Variants in SMYD3 observed in about 807,000 individuals in gnomAD.
SMYD3 encodes histone-lysine N-methyltransferase SMYD3.
In SMYD3, 36 loss-of-function variants were observed where a neutral mutation model predicts 57.7. The observed-to-expected ratio is 0.62, with a 90% CI of 0.48 to 0.82. The LOEUF (loss-of-function observed/expected upper bound fraction) is 0.82. Among genes scored for constraint, SMYD3 ranks in the 40% least tolerant of loss-of-function variants. SMYD3 has a pLI of 0.00. For missense variants in SMYD3, 515 were observed against 538.8 expected, an observed-to-expected ratio of 0.96 and a Z score of 0.44; for synonymous variants, 211 against 195.0, an observed-to-expected ratio of 1.08 and a Z score of -0.68.
At chr1:246,032,586 T>C (rs1319150023) in intron 5 of SMYD3, among the ~76,000 whole-genome samples, 1 of 152,198 alleles carries the variant, frequency 6.6e-6, no homozygotes, top group Non-Finnish European at 1.5e-5. Context: ...CTCCATTCCC[T>C]CGCATTCAAA....
At chr1:246,334,731 T>C (rs2065513591) in intron 3 of SMYD3, among the ~76,000 whole-genome samples, 1 of 152,210 alleles carries the variant, frequency 6.6e-6, no homozygotes, top group East Asian at 1.9e-4. Flanking sequence ...GCAAAACTTT[T>C]TTTAAAACAG....
intron 5 of SMYD3, among the ~76,000 whole-genome samples, chr1:246,037,636 T>C (rs2059799449): frequency 6.6e-6 from 1 of 152,232 alleles, no homozygotes; most frequent in South Asian, 2.1e-4. Context: ...ATCCCAGGGA[T>C]AGTAATAGCT....
chr1:246,219,634 C>T (rs1352431790), intron 5 of SMYD3, among the ~76,000 whole-genome samples: 1 of 152,178 alleles, frequency 6.6e-6, no homozygotes, highest in East Asian at 1.9e-4. Context: ...TGCGAAAAGG[C>T]AGAGGGCCCA....
At chr1:245,796,069 A>C (rs564081580) in intron 10 of SMYD3, among the ~76,000 whole-genome samples, 1 of 152,212 alleles carries the variant, frequency 6.6e-6, no homozygotes, top group South Asian at 2.1e-4. Flanking sequence ...ATGTACCTAC[A>C]CCACTAACAT....
chr1:246,435,700 T>C (rs576348524), intron 1 of SMYD3, among the ~76,000 whole-genome samples: 77 of 151,786 alleles, frequency 5.1e-4, no homozygotes, highest in African/African-American at 1.7e-3. Flanking sequence ...CTCTAAATGA[T>C]AGAAGAATTC....
At chr1:246,133,888 C>A (rs903541138) in intron 5 of SMYD3, among the ~76,000 whole-genome samples, 16 of 152,182 alleles carry the variant, frequency 1.1e-4, no homozygotes, top group African/African-American at 3.9e-4. Context: ...TAAAATTATA[C>A]CCTAACATTT....
intron 3 of SMYD3, among the ~76,000 whole-genome samples, chr1:246,334,153 A>AG (rs1445319801): frequency 1.3e-5 from 2 of 152,170 alleles, no homozygotes; most frequent in East Asian, 3.9e-4. Flanking sequence ...CACTGTGGAA[A>AG]GCAGTTTGGA....
At chr1:245,883,497 C>G (rs2148556781) in intron 8 of SMYD3, among the ~76,000 whole-genome samples, 1 of 152,310 alleles carries the variant, frequency 6.6e-6, no homozygotes, top group South Asian at 2.1e-4. Flanking sequence ...TCACTTCTTT[C>G]TTAAAAACTA....
At chr1:246,493,349 T>C (rs1043923115) in intron 1 of SMYD3, among the ~76,000 whole-genome samples, 3 of 152,018 alleles carry the variant, frequency 2.0e-5, no homozygotes, top group African/African-American at 7.2e-5. Flanking sequence ...GAGGCAGCTG[T>C]AGCAAATACA....
At chr1:245,954,352 A>G (rs2057761243) in intron 5 of SMYD3, among the ~76,000 whole-genome samples, 1 of 152,192 alleles carries the variant, frequency 6.6e-6, no homozygotes, top group South Asian at 2.1e-4. Context: ...CAGGCCAAAG[A>G]AAAACAGGAA....
intron 5 of SMYD3, among the ~76,000 whole-genome samples, chr1:246,040,438 C>T (rs962239816): frequency 3.3e-5 from 5 of 152,198 alleles, no homozygotes; most frequent in African/African-American, 1.2e-4. Flanking sequence ...GCTGACCCAA[C>T]GTCTCACTTC....
intron 2 of SMYD3, among the ~76,000 whole-genome samples, chr1:246,339,581 T>A (rs1340262427): frequency 1.3e-5 from 2 of 152,138 alleles, no homozygotes; most frequent in Non-Finnish European, 2.9e-5. Flanking sequence ...CAAGAATATA[T>A]TTTTAAACAC....
chr1:245,891,723 A>G (rs2053395735), intron 8 of SMYD3, among the ~76,000 whole-genome samples: 1 of 113,184 alleles, frequency 8.8e-6, no homozygotes, highest in East Asian at 2.6e-4. Flanking sequence ...AGTGCAGGGG[A>G]GCAAGCCAGG....
rs891236543 is a variant in SMYD3, at chr1:246,105,515, G to A, written c.532-175578C>T. ...ATACAACTCAACTCCTGAACTCCAA[G>A]TGAAAGGCCCTGTGCTGCCCCAACC... On this transcript the variant is annotated intron_variant, in intron 5 of 11. Transcript: ENST00000490107. Among the ~76,000 whole-genome samples, 15 of 152,270 alleles carry A rather than the reference G, an allele frequency of 9.9e-5. No individual in the cohort carries two copies. The East Asian group carries it at 2.5e-3, about 25-fold the overall frequency.
intron 1 of SMYD3, among the ~76,000 whole-genome samples, chr1:246,375,593 C>T (rs2066263133): frequency 6.6e-6 from 1 of 152,094 alleles, no homozygotes; most frequent in African/African-American, 2.4e-5. Flanking sequence ...TCTAGCATAC[C>T]AAGTCTTACA....
At chr1:246,397,401 A>G (rs1369057180) in intron 1 of SMYD3, among the ~76,000 whole-genome samples, 3 of 152,180 alleles carry the variant, frequency 2.0e-5, no homozygotes, top group Non-Finnish European at 4.4e-5. Context: ...GGTACATCAT[A>G]TATTAGCTCT....
chr1:246,069,530 T>C (rs1416372583), intron 5 of SMYD3, among the ~76,000 whole-genome samples: 1 of 152,152 alleles, frequency 6.6e-6, no homozygotes, highest in Admixed American at 6.6e-5. Context: ...AAACATAAGT[T>C]CCTAAATGCA....
At chr1:246,104,913 A>AT (rs1168629239) in intron 5 of SMYD3, among the ~76,000 whole-genome samples, 2 of 152,140 alleles carry the variant, frequency 1.3e-5, no homozygotes, top group Non-Finnish European at 1.5e-5. Context: ...CAATGAAAAT[A>AT]TTTTTTATCA....
chr1:246,457,544 A>AAAAGAAAAGAAAAG (rs768191962), intron 1 of SMYD3, among the ~76,000 whole-genome samples: 52 of 87,262 alleles, frequency 6.0e-4, no homozygotes, highest in African/African-American at 1.4e-3. Context: ...AAAAAAAAAA[A>AAAAGAAAAGAAAAG]AAAAGAAAAG....
Sources: allele counts gnomAD v4.1 joint callset (sites outside exome capture counted in the v4.1 genomes callset), GRCh38; gene constraint gnomAD v4.1.1; transcripts MANE v1.5; gene names NCBI Gene and HGNC (gene_info 2026-07-23, HGNC 2026-07-21).